Variants in CACNG2 observed in about 807,000 individuals in gnomAD.
The protein encoded by CACNG2 is calcium voltage-gated channel auxiliary subunit gamma 2, also known as voltage-dependent calcium channel gamma-2 subunit.
A neutral mutation model predicts 25.9 loss-of-function variants in CACNG2; 3 were observed. That is an observed-to-expected ratio of 0.12 (90% confidence interval 0.05 to 0.30). The LOEUF is 0.30. Ranked by LOEUF, CACNG2 falls within the 10% of genes least tolerant of loss-of-function variation. CACNG2 has a pLI of 1.00. For missense variants in CACNG2, 341 were observed against 432.5 expected (o/e 0.79, Z 1.88); for synonymous variants, 167 against 173.3 (o/e 0.96, Z 0.29).
At chr22:36,675,861 A>G (rs1937012981) in intron 1 of CACNG2, among the ~76,000 whole-genome samples, 1 of 152,246 alleles carries the variant, frequency 6.6e-6, no homozygotes, top group South Asian at 2.1e-4. Flanking sequence ...GCAACTATCA[A>G]CAACAATAGG....
chr22:36,677,419 G>A (rs1273768894), intron 1 of CACNG2, among the ~76,000 whole-genome samples: 5 of 152,136 alleles, frequency 3.3e-5, no homozygotes, highest in Admixed American at 6.5e-5. Context: ...GAAAGGATGC[G>A]GTTTCCCCAC....
chr22:36,598,419 A>T (rs1033095320), intron 1 of CACNG2, among the ~76,000 whole-genome samples: 9 of 151,930 alleles, frequency 5.9e-5, no homozygotes, highest in African/African-American at 2.2e-4. Flanking sequence ...GGAGTTCAAG[A>T]CCAGCCTGGC....
chr22:36,613,476 C>T (rs997469813), intron 1 of CACNG2, among the ~76,000 whole-genome samples: 13 of 152,168 alleles, frequency 8.5e-5, no homozygotes, highest in African/African-American at 2.7e-4. Flanking sequence ...CTTGATGTGC[C>T]GTCTTCCCTT....
In CACNG2 at chr22:36,643,003, C is replaced by T. The variant is rs1463672166; in HGVS notation, c.212-55455G>A. Reference sequence around the variant, plus strand: ...CAAGAGAGGTCTTTCCTTCCTTCCTCTCTCCCTCCCTCCCTTCTTCCCTCC... The same window carrying T: ...CAAGAGAGGTCTTTCCTTCCTTCCTTTCTCCCTCCCTCCCTTCTTCCCTCC... On this transcript the variant is annotated intron_variant, in intron 1 of 3. Transcript: ENST00000300105. Among the ~76,000 whole-genome samples, 27 of 150,700 alleles carry T rather than the reference C, an allele frequency of 1.8e-4. 1 individual carries two copies. The highest frequency in any genetic ancestry group is 1.8e-3 in the Admixed American group (27 of 15,114).
intron 2 of CACNG2, among the ~76,000 whole-genome samples, chr22:36,574,049 C>T (rs1935274927): frequency 6.6e-6 from 1 of 151,964 alleles, no homozygotes; most frequent in Non-Finnish European, 1.5e-5. Context: ...GTGTGGGGAG[C>T]ACCTAAGGAG....
chr22:36,676,740 C>T (rs1162200069), intron 1 of CACNG2, among the ~76,000 whole-genome samples: 4 of 152,158 alleles, frequency 2.6e-5, no homozygotes, highest in South Asian at 2.1e-4. Context: ...AAGGTCACAA[C>T]GCTCAGAAGC....
At chr22:36,626,875 G>C (rs775427960) in intron 1 of CACNG2, among the ~76,000 whole-genome samples, 1 of 152,234 alleles carries the variant, frequency 6.6e-6, no homozygotes, top group East Asian at 1.9e-4. Flanking sequence ...GTATAGTATG[G>C]GGTGACAGGC....
Position 36,564,611 on chromosome 22 carries a change from G to T in CACNG2, c.712C>A (p.Arg238Ser). The T allele has an allele frequency of 6.2e-7, 1 of 1,613,956 alleles. No individual in the cohort carries two copies. Among genetic ancestry groups the T allele is most frequent in the Non-Finnish European group, 8.5e-7 (1 of 1,179,974 alleles). Residue 238 changes from arginine to serine, a missense_variant, in exon 4 of 4, where the codon CGC becomes AGC. Coordinates refer to ENST00000300105, the MANE Select transcript of CACNG2 (RefSeq NM_006078.5). This position sits in a 1 kb window ranked among gnomAD's most constrained non-coding sequence, Gnocchi z 6.7. ...SYRYRYQRRS[R>S]SSSRSTEPSH... is the part of the protein sequence containing the mutation. ...GGCTCCGTGGAGCGCGAGCTGGAGCGGCTGCGGCGCTGGTAGCGGTAGCGG... is the reference window on the plus strand; with the variant it reads ...GGCTCCGTGGAGCGCGAGCTGGAGCTGCTGCGGCGCTGGTAGCGGTAGCGG...
intron 1 of CACNG2, among the ~76,000 whole-genome samples, chr22:36,615,673 G>T (rs572847282): frequency 8.6e-4 from 131 of 152,210 alleles, no homozygotes; most frequent in Non-Finnish European, 1.7e-3. Context: ...CATTAGAATG[G>T]ACGATCCACG....
intron 2 of CACNG2, among the ~76,000 whole-genome samples, chr22:36,580,284 T>C (rs1011902096): frequency 6.6e-6 from 1 of 151,916 alleles, no homozygotes; most frequent in Non-Finnish European, 1.5e-5. Flanking sequence ...ATCGTATGGG[T>C]CCTCCCTGCC....
At chr22:36,574,619 A>G (rs1935283883) in intron 2 of CACNG2, among the ~76,000 whole-genome samples, 1 of 151,982 alleles carries the variant, frequency 6.6e-6, no homozygotes, top group South Asian at 2.1e-4. Flanking sequence ...CATCTCTACT[A>G]AAAAAATACA....
chr22:36,649,395 T>A (rs1936574658), intron 1 of CACNG2, among the ~76,000 whole-genome samples: 1 of 151,974 alleles, frequency 6.6e-6, no homozygotes, highest in African/African-American at 2.4e-5. Flanking sequence ...AGATTCCAGT[T>A]ATTCTTCTGC....
rs764468063 is a variant in CACNG2, at chr22:36,620,911, C to T, written c.212-33363G>A. ...AGTTGCACTTCCTCTGGGAAGCCTT[C>T]CCTGCTTCTGGAAATCTAGTGTCAG... On this transcript the variant is annotated intron_variant, in intron 1 of 3. Transcript: ENST00000300105. 3.9e-4 allele frequency among the ~76,000 whole-genome samples: 59 copies of T among 152,244 alleles called. 1 individual carries two copies. Among genetic ancestry groups the T allele is most frequent in the Admixed American group, 4.6e-4 (7 of 15,280 alleles).
chr22:36,668,733 C>A (rs996967974), intron 1 of CACNG2, among the ~76,000 whole-genome samples: 1 of 152,032 alleles, frequency 6.6e-6, no homozygotes, highest in Non-Finnish European at 1.5e-5. Context: ...TGAGCTCAAG[C>A]GATCCACCTG....
intron 1 of CACNG2, among the ~76,000 whole-genome samples, chr22:36,659,731 G>A (rs1379616193): frequency 6.6e-6 from 1 of 152,046 alleles, no homozygotes; most frequent in Non-Finnish European, 1.5e-5. Flanking sequence ...GGCTTTGCTT[G>A]GGAGATCAGA....
At chr22:36,701,414 AT>A (rs930079976) in intron 1 of CACNG2, among the ~76,000 whole-genome samples, 21 of 152,110 alleles carry the variant, frequency 1.4e-4, no homozygotes, top group Non-Finnish European at 2.8e-4. Context: ...CCATAGCGTG[AT>A]CCCCCAGCCT....
intron 1 of CACNG2, among the ~76,000 whole-genome samples, chr22:36,628,937 C>A (rs1936226660): frequency 6.6e-6 from 1 of 151,940 alleles, no homozygotes; most frequent in Non-Finnish European, 1.5e-5. Context: ...TTTCTAGGCA[C>A]TAGATTGAGA....
At chr22:36,663,620 C>G (rs936503736) in intron 1 of CACNG2, among the ~76,000 whole-genome samples, 2 of 152,148 alleles carry the variant, frequency 1.3e-5, no homozygotes, top group Non-Finnish European at 2.9e-5. Context: ...TTTATTAATG[C>G]GTCGCGAGGG....
At chr22:36,661,090 G>A (rs571834236) in intron 1 of CACNG2, among the ~76,000 whole-genome samples, 1 of 152,316 alleles carries the variant, frequency 6.6e-6, no homozygotes, top group East Asian at 1.9e-4. Flanking sequence ...CTATTACCGT[G>A]AAATCAATCA....
Sources: gnomAD v4.1 joint callset for allele counts (sites outside exome capture counted in the v4.1 genomes callset) on GRCh38, gnomAD v4.1.1 for gene constraint, Gnocchi (gnomAD v3.1) non-coding constraint, MANE v1.5 for transcripts, NCBI Gene and HGNC (gene_info 2026-07-23, HGNC 2026-07-21) for gene names.